SLC2A9: variants seen among roughly 807,000 people sequenced by gnomAD.
The protein encoded by SLC2A9 is solute carrier family 2, facilitated glucose transporter member 9.
In SLC2A9, 39 loss-of-function variants were observed where a neutral mutation model predicts 50.6. The ratio of observed to expected loss-of-function variants is 0.77; its 90% CI spans 0.60 to 1.01. The LOEUF (loss-of-function observed/expected upper bound fraction) is 1.01, where lower values mean the gene tolerates loss of function less well. Among genes scored for constraint, SLC2A9 ranks in the 50% least tolerant of loss-of-function variants. The pLI, the probability that SLC2A9 is intolerant of heterozygous loss-of-function variation, is 0.00. For missense variants in SLC2A9, 686 were observed against 677.6 expected (o/e 1.01, Z -0.14); for synonymous variants, 324 against 276.9 (o/e 1.17, Z -1.69).
At chr4:9,792,777 C>T (rs376035613) in intron 3 of SLC2A9, 8 of 152,420 alleles carry the variant, frequency 5.2e-5, no homozygotes, top group African/African-American at 1.9e-4. Flanking sequence ...CATTTTCTCC[C>T]ATCCAAGTAC....
At chr4:9,788,521 ATCT>A (rs1719507413) in intron 3 of SLC2A9, among the ~76,000 whole-genome samples, 1 of 151,980 alleles carries the variant, frequency 6.6e-6, no homozygotes, top group African/African-American at 2.4e-5. Flanking sequence ...ATAGGTTATA[ATCT>A]TTTACTTGAC....
intron 2 of SLC2A9, among the ~76,000 whole-genome samples, chr4:10,012,915 T>C (rs1402626450): frequency 3.3e-5 from 5 of 152,118 alleles, no homozygotes; most frequent in Non-Finnish European, 4.4e-5. Context: ...TTTCTAGATA[T>C]AGTGGGTTTT....
intron 1 of SLC2A9, chr4:10,035,968 TG>T: frequency 5.9e-6 from 1 of 168,908 alleles, no homozygotes; most frequent in South Asian, 1.7e-4. Context: ...TTGGCTTTCC[TG>T]GTGCTGAAGC....
chr4:9,828,327 G>A (rs765095534), intron 11 of SLC2A9, among the ~76,000 whole-genome samples: 3 of 152,150 alleles, frequency 2.0e-5, no homozygotes, highest in Non-Finnish European at 4.4e-5. Flanking sequence ...GCAATAGCTT[G>A]TCAACTGATT....
chr4:9,784,266 C>A (rs1233507200), intron 3 of SLC2A9, among the ~76,000 whole-genome samples: 1 of 148,056 alleles, frequency 6.8e-6, no homozygotes, highest in African/African-American at 2.5e-5. Context: ...GGCATTAGAT[C>A]TTCTCAAGAC....
At chr4:9,794,623 T>A (rs1489112731), downstream of SLC2A9, among the ~76,000 whole-genome samples, 3 of 152,134 alleles carry the variant, frequency 2.0e-5, no homozygotes, top group African/African-American at 7.2e-5. Flanking sequence ...TCTTATATAG[T>A]AAGAGTGTGG....
chr4:9,848,591 A>G (rs1320445538), intron 10 of SLC2A9, among the ~76,000 whole-genome samples: 1 of 152,106 alleles, frequency 6.6e-6, no homozygotes, highest in African/African-American at 2.4e-5. Context: ...TGCTTGCCCC[A>G]TAGCCAATCA....
intron 6 of SLC2A9, among the ~76,000 whole-genome samples, chr4:9,931,913 A>ACTCTCTCTCTCT (rs1163786274): frequency 2.5e-4 from 4 of 15,688 alleles, no homozygotes; most frequent in African/African-American, 3.2e-4. Context: ...AATGAGAATG[A>ACTCTCTCTCTCT]CTCTCTCTCT....
chr4:9,794,185 G>C (rs1361973369), downstream of SLC2A9, among the ~76,000 whole-genome samples: 1 of 144,612 alleles, frequency 6.9e-6, no homozygotes, highest in Non-Finnish European at 1.5e-5. Context: ...TTTCACTCTT[G>C]TCTCCCAGGC....
chr4:9,909,012 G>A (rs922419334), intron 7 of SLC2A9, among the ~76,000 whole-genome samples: 5 of 152,196 alleles, frequency 3.3e-5, no homozygotes, highest in African/African-American at 7.2e-5. Flanking sequence ...AACCTCCATC[G>A]TAACTTTATG....
At chr4:9,878,472 G>C (rs991739958) in intron 10 of SLC2A9, among the ~76,000 whole-genome samples, 1 of 152,090 alleles carries the variant, frequency 6.6e-6, no homozygotes, top group African/African-American at 2.4e-5. Context: ...CTAAATGATG[G>C]GGTTGAGGTG....
intron 2 of SLC2A9, among the ~76,000 whole-genome samples, chr4:9,999,686 G>C (rs1437836297): frequency 6.6e-6 from 1 of 152,098 alleles, no homozygotes; most frequent in African/African-American, 2.4e-5. Flanking sequence ...AGTTAGCCTG[G>C]TTTTTACTTG....
At chr4:9,776,042 T>A (rs571188076), downstream of SLC2A9, among the ~76,000 whole-genome samples, 1 of 152,156 alleles carries the variant, frequency 6.6e-6, no homozygotes, top group East Asian at 1.9e-4. Flanking sequence ...TCTCGCTCCC[T>A]AGCCTCCACT....
chr4:10,037,375 T>C (rs1020557414), intron 1 of SLC2A9, among the ~76,000 whole-genome samples: 3 of 152,188 alleles, frequency 2.0e-5, no homozygotes, highest in Non-Finnish European at 2.9e-5. Context: ...CTTAGTGTCA[T>C]GTTTTTGATG....
chr4:9,891,102 G>C (rs1033225880), intron 8 of SLC2A9, among the ~76,000 whole-genome samples: 34 of 152,186 alleles, frequency 2.2e-4, no homozygotes, highest in Non-Finnish European at 4.4e-5. Flanking sequence ...GGTTTCATAG[G>C]GGTAGGCATC....
At chr4:9,953,080 A>G (rs549233643) in intron 5 of SLC2A9, among the ~76,000 whole-genome samples, 3 of 152,238 alleles carry the variant, frequency 2.0e-5, no homozygotes, top group Non-Finnish European at 4.4e-5. Context: ...TCTCTGATTC[A>G]CAAGTTCTGT....
intron 10 of SLC2A9, chr4:9,879,966 G>A (rs991550671): frequency 1.0e-5 from 10 of 985,124 alleles, no homozygotes; most frequent in African/African-American, 5.2e-5. Flanking sequence ...TTCTTACATC[G>A]ACCTGTTCCT....
downstream of SLC2A9, chr4:9,798,865 G>A (rs1720937454): frequency 6.6e-6 from 1 of 152,220 alleles, no homozygotes. Flanking sequence ...CTTTCTAGAA[G>A]ATGGGGAAAC....
chr4:9,930,954 G>GC (rs1302668524), intron 6 of SLC2A9, among the ~76,000 whole-genome samples: 5 of 152,200 alleles, frequency 3.3e-5, no homozygotes, highest in African/African-American at 1.2e-4. Flanking sequence ...CCAGATGTGT[G>GC]CAGGCTGTGT....
Sources: allele counts gnomAD v4.1 joint callset (sites outside exome capture counted in the v4.1 genomes callset), GRCh38; gene constraint gnomAD v4.1.1; transcripts MANE v1.5; gene names NCBI Gene and HGNC (gene_info 2026-07-23, HGNC 2026-07-21).